Variants in WDFY4 observed in about 807,000 individuals in gnomAD.
WDFY4 encodes the protein WDFY family member 4, also known as WD repeat- and FYVE domain-containing protein 4.
WDFY4 carries 169 observed loss-of-function variants against 351.9 expected under a neutral mutation model. The ratio of observed to expected loss-of-function variants is 0.48; its 90% CI spans 0.42 to 0.55. The LOEUF (loss-of-function observed/expected upper bound fraction) is 0.55, where lower values mean the gene tolerates loss of function less well. WDFY4 is among the 20% of genes least tolerant of loss of function. The pLI is 0.00. For synonymous variants in WDFY4, 1,622 were observed against 1,574.6 expected (o/e 1.03, Z -0.71); for missense variants, 3,803 against 3,935.6 (o/e 0.97, Z 0.90).
At chr10:48,705,502 T>C (rs2063603417) in intron 1 of WDFY4, among the ~76,000 whole-genome samples, 1 of 152,070 alleles carries the variant, frequency 6.6e-6, no homozygotes, top group Non-Finnish European at 1.5e-5. Flanking sequence ...GATGAGAGTG[T>C]TTTTTTCTTG....
At chr10:48,855,091 C>T (rs553684534) in intron 39 of WDFY4, among the ~76,000 whole-genome samples, 2 of 151,970 alleles carry the variant, frequency 1.3e-5, no homozygotes, top group Non-Finnish European at 2.9e-5. Context: ...ATGAAATCAC[C>T]CTATTCCCTT....
rs150731737 is a variant in WDFY4, at chr10:48,703,546, C to T, written c.-17-6170C>T. ...TTGTCTGCAGGCCCCAGCTTTTCTG[C>T]AGAAGGCACTGAGTCCCAAGCTAAC... On this transcript the variant is annotated intron_variant, in intron 1 of 61. Transcript: ENST00000325239. 3.0e-3 allele frequency among the ~76,000 whole-genome samples: 455 copies of T among 152,276 alleles called. 2 individuals are homozygous for T. Among genetic ancestry groups the T allele is most frequent in the Admixed American group, 6.5e-3 (99 of 15,288 alleles).
chr10:48,720,892 G>T (rs2064062653), intron 3 of WDFY4, among the ~76,000 whole-genome samples: 1 of 152,192 alleles, frequency 6.6e-6, no homozygotes, highest in African/African-American at 2.4e-5. Flanking sequence ...GGAAGAAATT[G>T]CTCAGCATGG....
At chr10:48,831,241 G>A (rs2068179004) in intron 38 of WDFY4, among the ~76,000 whole-genome samples, 1 of 152,178 alleles carries the variant, frequency 6.6e-6, no homozygotes, top group Admixed American at 6.5e-5. Flanking sequence ...GTCATGCAAT[G>A]TCCTTGAGCT....
chr10:48,930,693 A>C (rs892583981), intron 47 of WDFY4, among the ~76,000 whole-genome samples: 1 of 152,252 alleles, frequency 6.6e-6, no homozygotes, highest in Non-Finnish European at 1.5e-5. Context: ...AATAGTAAAA[A>C]AAAATTAGAA....
intron 11 of WDFY4, chr10:48,736,383 T>G: frequency 1.7e-6 from 1 of 576,054 alleles, no homozygotes; most frequent in Non-Finnish European, 3.1e-6. Flanking sequence ...CATAAGGCAT[T>G]TTCATTCAGG....
intron 39 of WDFY4, among the ~76,000 whole-genome samples, chr10:48,851,499 C>T (rs949669637): frequency 6.6e-6 from 1 of 152,180 alleles, no homozygotes; most frequent in Non-Finnish European, 1.5e-5. Flanking sequence ...GGCGTCCCTC[C>T]CCTCTGAGTT....
intron 31 of WDFY4, among the ~76,000 whole-genome samples, chr10:48,814,623 G>T (rs890331457): frequency 6.6e-5 from 10 of 152,230 alleles, no homozygotes; most frequent in African/African-American, 1.4e-4. Flanking sequence ...GGTAAGCCAG[G>T]TCAGGGAGGG....
intron 20 of WDFY4, among the ~76,000 whole-genome samples, chr10:48,787,385 T>A (rs2066438738): frequency 6.6e-6 from 1 of 152,256 alleles, no homozygotes; most frequent in African/African-American, 2.4e-5. Context: ...CTCTTGAGCA[T>A]TTCTGTCTCC....
At chr10:48,833,926 T>C (rs1253879072) in intron 39 of WDFY4, among the ~76,000 whole-genome samples, 1 of 152,202 alleles carries the variant, frequency 6.6e-6, no homozygotes, top group Non-Finnish European at 1.5e-5. Context: ...GCTCAGAATC[T>C]GTAACTGCCT....
chr10:48,693,022 G>A (rs2063236662), intron 1 of WDFY4, among the ~76,000 whole-genome samples: 1 of 152,182 alleles, frequency 6.6e-6, no homozygotes. Flanking sequence ...TGGTGCTGAA[G>A]GGGGAGATTT....
At chr10:48,974,519 A>AAAAAAACAAC (rs1842469888) in intron 57 of WDFY4, among the ~76,000 whole-genome samples, 1 of 49,924 alleles carries the variant, frequency 2.0e-5, no homozygotes, top group Non-Finnish European at 3.6e-5. Context: ...AAAAAAAAAA[A>AAAAAAACAAC]AAAAAAAAAA....
intron 29 of WDFY4, among the ~76,000 whole-genome samples, 197 bp from the exon 30 acceptor site, chr10:48,811,342 T>A (rs977519580): frequency 4.6e-5 from 7 of 152,184 alleles, no homozygotes; most frequent in Admixed American, 1.3e-4. Flanking sequence ...TTTGAGTGAA[T>A]GAATGAGCAT....
chr10:48,867,481 C>A, intron 40 of WDFY4, 139 bp downstream of exon 40: 1 of 431,750 alleles, frequency 2.3e-6, no homozygotes, highest in Non-Finnish European at 3.9e-6. Context: ...GCATTTTATC[C>A]TAAATGCAAT....
At chr10:48,723,243 A>G (rs887293274) in intron 4 of WDFY4, among the ~76,000 whole-genome samples, 190 bp from the exon 5 acceptor site, 3 of 145,824 alleles carry the variant, frequency 2.1e-5, no homozygotes, top group Admixed American at 7.3e-5. Flanking sequence ...TAAGCACTTT[A>G]TATAAACTTA....
intron 32 of WDFY4, 149 bp from the exon 33 acceptor site, chr10:48,820,085 C>A: frequency 1.2e-6 from 1 of 813,678 alleles, no homozygotes; most frequent in Non-Finnish European, 2.0e-6. Context: ...GCAGCTGGAT[C>A]CTGGGCAAGT....
chr10:48,785,439 T>TC (rs1223930895), intron 19 of WDFY4, among the ~76,000 whole-genome samples: 7 of 152,236 alleles, frequency 4.6e-5, no homozygotes, highest in Non-Finnish European at 8.8e-5. Flanking sequence ...GAAGATATTC[T>TC]CCTATTTTTT....
At chr10:48,697,497 T>C (rs1261206126) in intron 1 of WDFY4, among the ~76,000 whole-genome samples, 5 of 152,208 alleles carry the variant, frequency 3.3e-5, no homozygotes, top group Non-Finnish European at 7.3e-5. Flanking sequence ...GTGGCCTGGG[T>C]GGGCGATGGC....
intron 30 of WDFY4, among the ~76,000 whole-genome samples, chr10:48,813,238 C>T (rs939261021): frequency 8.5e-5 from 13 of 152,150 alleles, no homozygotes; most frequent in African/African-American, 3.1e-4. Context: ...AAAATCTACC[C>T]CTCTTGTATA....
Sources: allele counts gnomAD v4.1 joint callset (sites outside exome capture counted in the v4.1 genomes callset), GRCh38; gene constraint gnomAD v4.1.1; transcripts MANE v1.5; gene names NCBI Gene and HGNC (gene_info 2026-07-23, HGNC 2026-07-21).